Variants in ASIC2 observed in about 807,000 individuals in gnomAD.
ASIC2 encodes acid-sensing ion channel 2.
In ASIC2, 25 loss-of-function variants were observed where a neutral mutation model predicts 57.3. That is an observed-to-expected ratio of 0.44 (90% confidence interval 0.32 to 0.61). The LOEUF is 0.61. ASIC2 is among the 20% of genes least tolerant of loss of function. The pLI is 0.06. For synonymous variants in ASIC2, 319 were observed against 307.5 expected (o/e 1.04, Z -0.39); for missense variants, 641 against 738.1 (o/e 0.87, Z 1.52).
intron 1 of ASIC2, among the ~76,000 whole-genome samples, chr17:33,699,358 A>G (rs1158999258): frequency 6.6e-6 from 1 of 152,090 alleles, no homozygotes. Flanking sequence ...AGAGCCCCTC[A>G]TGTCTCCTTC....
In ASIC2 at chr17:33,137,611, T is replaced by C. The variant is rs188828503; in HGVS notation, c.709-25544A>G. ...AAGCTGGGCTCATTCCTATTTATTG[T>C]TGGTTGAGAGCTACTCTTGGAGTGT... On this transcript the variant is annotated intron_variant, in intron 1 of 9. Transcript: ENST00000225823. 2.6e-5 allele frequency among the ~76,000 whole-genome samples: 4 copies of C among 152,310 alleles called. No individual in the cohort carries two copies. In the East Asian group the frequency reaches 7.7e-4, roughly 29 times the overall value.
intron 1 of ASIC2, among the ~76,000 whole-genome samples, chr17:33,830,499 T>G (rs1913068966): frequency 6.6e-6 from 1 of 152,088 alleles, no homozygotes; most frequent in African/African-American, 2.4e-5. Flanking sequence ...AGTACTATTA[T>G]ATTTTCTTAT....
intron 1 of ASIC2, among the ~76,000 whole-genome samples, chr17:33,133,028 G>T (rs1385557462): frequency 6.6e-6 from 1 of 152,222 alleles, no homozygotes; most frequent in African/African-American, 2.4e-5. Context: ...TGAGGGTAAA[G>T]TGTGTAAGCA....
At chr17:33,075,409 C>A (rs537493543) in intron 3 of ASIC2, among the ~76,000 whole-genome samples, 1 of 152,302 alleles carries the variant, frequency 6.6e-6, no homozygotes, top group African/African-American at 2.4e-5. Context: ...GTGGGAAGCC[C>A]TGCTTGTCCT....
intron 1 of ASIC2, among the ~76,000 whole-genome samples, chr17:33,693,475 G>A (rs964841071): frequency 2.6e-5 from 4 of 152,188 alleles, no homozygotes; most frequent in Non-Finnish European, 4.4e-5. Context: ...GGTGCAGCAG[G>A]CTAAACTAGA....
At chr17:33,946,723 T>C (rs1366371471) in intron 1 of ASIC2, among the ~76,000 whole-genome samples, 2 of 152,118 alleles carry the variant, frequency 1.3e-5, no homozygotes, top group African/African-American at 4.8e-5. Flanking sequence ...GAAGCAACAC[T>C]AGAAACAGGC....
intron 1 of ASIC2, among the ~76,000 whole-genome samples, chr17:33,280,909 G>A (rs1202039024): frequency 6.6e-6 from 1 of 152,124 alleles, no homozygotes; most frequent in Admixed American, 6.5e-5. Context: ...TCACTGGGAG[G>A]GGTTCCAAGA....
At chr17:33,088,571 A>G (rs2141964997) in intron 3 of ASIC2, among the ~76,000 whole-genome samples, 1 of 152,196 alleles carries the variant, frequency 6.6e-6, no homozygotes, top group Admixed American at 6.5e-5. Flanking sequence ...CCAAAAAAAA[A>G]AAATTTTTTT....
chr17:33,223,481 C>T (rs930646812), intron 1 of ASIC2, among the ~76,000 whole-genome samples: 4 of 152,232 alleles, frequency 2.6e-5, no homozygotes, highest in Admixed American at 1.3e-4. Context: ...CCATGCCCGG[C>T]CCCCCTTTTC....
chr17:33,495,202 G>C (rs533356537), intron 1 of ASIC2, among the ~76,000 whole-genome samples: 23 of 152,246 alleles, frequency 1.5e-4, no homozygotes, highest in African/African-American at 5.5e-4. Context: ...TTGTGCCCTG[G>C]GGGGCTAGCT....
At chr17:33,707,472 T>A (rs1163601322) in intron 1 of ASIC2, among the ~76,000 whole-genome samples, 1 of 152,208 alleles carries the variant, frequency 6.6e-6, no homozygotes, top group Admixed American at 6.5e-5. Flanking sequence ...CATATACAGA[T>A]AAATTTGTCC....
At position 33,291,713 on chromosome 17, in the gene ASIC2, C is replaced by T. The variant is rs1905461791; in HGVS notation, c.403G>A (p.Val135Met). 2 of 1,613,526 alleles carry T rather than the reference C, an allele frequency of 1.2e-6. No homozygotes were observed. Among genetic ancestry groups the T allele is most frequent in the African/African-American group, 2.7e-5 (2 of 74,942 alleles). ...AAGCGCAGCGGGTTGTTGTTGCACACAGTGACGGCGGGGAAGGGTAACTGG... is the reference window on the plus strand; with the variant it reads ...AAGCGCAGCGGGTTGTTGTTGCACATAGTGACGGCGGGGAAGGGTAACTGG... Reference protein sequence around the residue: ...SRQLPFPAVTVCNNNPLRFPR... With the variant: ...SRQLPFPAVTMCNNNPLRFPR... The change falls in exon 1 of 10, where the codon GTG (valine) becomes ATG (methionine). Residue 135 changes from valine (V) to methionine (M), a missense_variant. This residue lies in a region of ASIC2 where 382 missense variants were observed against 398.0 expected (regional missense o/e 0.96). Transcript: ENST00000225823.
At chr17:34,120,715 G>A (rs953747166) in intron 1 of ASIC2, among the ~76,000 whole-genome samples, 1 of 144,302 alleles carries the variant, frequency 6.9e-6, no homozygotes, top group African/African-American at 2.6e-5. Context: ...AAATGACTGG[G>A]GTCCTTCTTT....
At chr17:33,964,208 T>A (rs1597952243) in intron 1 of ASIC2, among the ~76,000 whole-genome samples, 1 of 152,216 alleles carries the variant, frequency 6.6e-6, no homozygotes, top group African/African-American at 2.4e-5. Flanking sequence ...TTTCAGTAGA[T>A]GCCTGTACAG....
chr17:33,208,179 T>C (rs1289732568), intron 1 of ASIC2, among the ~76,000 whole-genome samples: 1 of 152,206 alleles, frequency 6.6e-6, no homozygotes, highest in Non-Finnish European at 1.5e-5. Flanking sequence ...TCATGGGGAC[T>C]GAGGTGGGTT....
At chr17:33,278,259 T>A (rs886965033) in intron 1 of ASIC2, among the ~76,000 whole-genome samples, 6 of 152,062 alleles carry the variant, frequency 3.9e-5, no homozygotes, top group Admixed American at 3.3e-4. Flanking sequence ...TGTTCATTTA[T>A]TTGTTAACTT....
Position 33,836,389 on chromosome 17 carries a change from T to C in ASIC2, c.555+319589A>G, listed in dbSNP as rs528045377. Among the ~76,000 whole-genome samples, 79 of 150,722 alleles carry C rather than the reference T, an allele frequency of 5.2e-4. 1 individual carries two copies. The South Asian group carries it at 0.015, about 28-fold the overall frequency. ...TAGAGATGGGATTTCACCATGTTTC[T>C]CAGGCTGGTCTTGAAATCTTGAGCA... On this transcript the variant is annotated intron_variant, in intron 1 of 9. Transcript: ENST00000359872.
intron 1 of ASIC2, among the ~76,000 whole-genome samples, chr17:33,534,949 C>T (rs1915177545): frequency 6.6e-6 from 1 of 152,212 alleles, no homozygotes; most frequent in African/African-American, 2.4e-5. Flanking sequence ...GCAGACCAGT[C>T]TAAGTGCCTT....
chr17:33,770,071 A>G (rs931221023), intron 1 of ASIC2, among the ~76,000 whole-genome samples: 1 of 152,208 alleles, frequency 6.6e-6, no homozygotes, highest in African/African-American at 2.4e-5. Flanking sequence ...GGAGTTTATG[A>G]AATGGAACAG....
Sources: allele counts gnomAD v4.1 joint callset (sites outside exome capture counted in the v4.1 genomes callset), GRCh38; gene constraint gnomAD v4.1.1; regional missense constraint gnomAD v4.1.1; transcripts MANE v1.5; gene names NCBI Gene and HGNC (gene_info 2026-07-23, HGNC 2026-07-21).